Variants in RFX3 observed in about 807,000 individuals in gnomAD.
RFX3 encodes transcription factor RFX3.
Under a neutral mutation model 98.6 loss-of-function variants are expected in RFX3, and 14 were observed. The observed-to-expected ratio is 0.14, with a 90% confidence interval of 0.09 to 0.22. The LOEUF is 0.22. Among genes scored for constraint, RFX3 ranks in the 10% least tolerant of loss-of-function variants. RFX3 has a pLI of 1.00. For synonymous variants in RFX3, 383 were observed against 328.4 expected (o/e 1.17, Z -1.80); for missense variants, 639 against 926.9 (o/e 0.69, Z 4.03).
chr9:3,477,399 A>C (rs186688296), intron 1 of RFX3, among the ~76,000 whole-genome samples: 3 of 152,250 alleles, frequency 2.0e-5, no homozygotes, highest in African/African-American at 7.2e-5. Context: ...TTCAGTTTTT[A>C]TCTATTTGGA....
At chr9:3,246,003 T>G (rs1032158636) in intron 15 of RFX3, among the ~76,000 whole-genome samples, 9 of 152,174 alleles carry the variant, frequency 5.9e-5, no homozygotes, top group African/African-American at 2.2e-4. Flanking sequence ...ATCAAGAAAT[T>G]TTAGATATGA....
At chr9:3,506,553 C>T (rs967784367) in intron 1 of RFX3, among the ~76,000 whole-genome samples, 1 of 151,836 alleles carries the variant, frequency 6.6e-6, no homozygotes, top group African/African-American at 2.4e-5. Flanking sequence ...CCTGTCACAA[C>T]TAGAAAATAG....
intron 1 of RFX3, among the ~76,000 whole-genome samples, chr9:3,396,725 T>C (rs1054250813): frequency 1.8e-4 from 28 of 152,184 alleles, no homozygotes; most frequent in African/African-American, 3.6e-4. Flanking sequence ...TTTTTAATGA[T>C]TGCCATTCTA....
At chr9:3,453,810 A>T (rs1187404977) in intron 1 of RFX3, 3 of 152,164 alleles carry the variant, frequency 2.0e-5, no homozygotes, top group African/African-American at 7.2e-5. Flanking sequence ...AGAGTGCTAC[A>T]GTTGAAATTG....
intron 2 of RFX3, among the ~76,000 whole-genome samples, chr9:3,386,089 T>C (rs1277273414): frequency 6.6e-6 from 1 of 152,136 alleles, no homozygotes; most frequent in Admixed American, 6.6e-5. Context: ...CCTCCCTGAC[T>C]CATAATCCAG....
At chr9:3,238,305 C>T (rs921735392) in intron 15 of RFX3, among the ~76,000 whole-genome samples, 1 of 152,258 alleles carries the variant, frequency 6.6e-6, no homozygotes, top group South Asian at 2.1e-4. Flanking sequence ...ACACTGTAAA[C>T]TCAAACTAGG....
chr9:3,503,396 GTTATA>G (rs1252320055), intron 1 of RFX3, among the ~76,000 whole-genome samples: 1 of 126,436 alleles, frequency 7.9e-6, no homozygotes, highest in Non-Finnish European at 1.9e-5. Context: ...ACACATTTAT[GTTATA>G]TTTATTATAT....
chr9:3,254,030 G>T (rs763138009), intron 14 of RFX3, among the ~76,000 whole-genome samples: 1 of 152,068 alleles, frequency 6.6e-6, no homozygotes, highest in Non-Finnish European at 1.5e-5. Flanking sequence ...CTGAACTGTA[G>T]GCCTTCAAGT....
At position 3,277,388 on chromosome 9, in the gene RFX3, C is replaced by A; in HGVS notation, c.925G>T (p.Val309Phe). The change falls in exon 8 of 17, where the codon GTT becomes TTT. Residue 309 changes from valine to phenylalanine, a missense_variant. This residue lies in a region of RFX3 where 86 missense variants were observed against 113.2 expected (regional missense o/e 0.76). Coordinates refer to ENST00000617270, the MANE Select transcript of RFX3 (RefSeq NM_001282116.2). ...CTTTGGGCAATTACAGTTTGCTCAA[C>A]AGATGTGCCTGTCTGTTGACCACTT... ...TGSGQQTGTS[V>F]EQTVIAQSQH... 1 of 1,612,878 alleles carries A rather than the reference C, an allele frequency of 6.2e-7. No homozygotes were observed. The highest frequency in any genetic ancestry group is 8.5e-7 in the Non-Finnish European group (1 of 1,179,120).
intron 5 of RFX3, among the ~76,000 whole-genome samples, chr9:3,297,796 G>A (rs1207539191): frequency 1.3e-5 from 2 of 151,892 alleles, no homozygotes; most frequent in Non-Finnish European, 2.9e-5. Context: ...AAAATAGACG[G>A]CTAGAGCTTT....
chr9:3,483,312 G>A (rs1236875694), intron 1 of RFX3, among the ~76,000 whole-genome samples: 1 of 151,938 alleles, frequency 6.6e-6, no homozygotes, highest in Non-Finnish European at 1.5e-5. Flanking sequence ...TGCAACATGG[G>A]GTACCCCACC....
intron 2 of RFX3, among the ~76,000 whole-genome samples, chr9:3,378,225 C>A (rs538002983): frequency 1.3e-5 from 2 of 152,082 alleles, no homozygotes; most frequent in Non-Finnish European, 2.9e-5. Context: ...ACATGACTGT[C>A]GAAGAATTGG....
At chr9:3,509,058 C>A (rs1410983091) in intron 1 of RFX3, among the ~76,000 whole-genome samples, 1 of 151,636 alleles carries the variant, frequency 6.6e-6, no homozygotes, top group South Asian at 2.1e-4. Flanking sequence ...CAGTCCCATA[C>A]TATTAAAAAG....
intron 12 of RFX3, 80 bp downstream of exon 12, chr9:3,266,128 A>C: frequency 2.7e-6 from 2 of 753,416 alleles, no homozygotes; most frequent in Non-Finnish European, 4.4e-6. Context: ...ACATAATACC[A>C]TTTGATAGGA....
chr9:3,523,423 T>C, intron 1 of RFX3, among the ~76,000 whole-genome samples: 1 of 152,164 alleles, frequency 6.6e-6, no homozygotes, highest in Non-Finnish European at 1.5e-5. Context: ...ACAGCAGCTC[T>C]AATAGCAATT....
chr9:3,462,272 C>T (rs1034691718), intron 1 of RFX3, among the ~76,000 whole-genome samples: 1 of 152,002 alleles, frequency 6.6e-6, no homozygotes, highest in Non-Finnish European at 1.5e-5. Context: ...GTTGCTTTAT[C>T]ATTAGAATAT....
chr9:3,312,494 AAATAC>A (rs1478593469), intron 4 of RFX3, among the ~76,000 whole-genome samples: 1 of 152,152 alleles, frequency 6.6e-6, no homozygotes, highest in Non-Finnish European at 1.5e-5. Flanking sequence ...AACAATATGC[AAATAC>A]ATTACTTCCA....
intron 2 of RFX3, among the ~76,000 whole-genome samples, chr9:3,369,887 T>A (rs1325233052): frequency 5.3e-5 from 8 of 152,050 alleles, no homozygotes; most frequent in Non-Finnish European, 1.0e-4. Flanking sequence ...TGGAGTGCGG[T>A]GGCGCCATCT....
intron 2 of RFX3, among the ~76,000 whole-genome samples, chr9:3,347,573 C>T (rs917815550): frequency 1.4e-4 from 21 of 152,042 alleles, no homozygotes; most frequent in African/African-American, 4.8e-4. Context: ...CCTGTAATCC[C>T]AGCACTTTGG....
Sources: allele counts gnomAD v4.1 joint callset (sites outside exome capture counted in the v4.1 genomes callset), GRCh38; gene constraint gnomAD v4.1.1; regional missense constraint gnomAD v4.1.1; transcripts MANE v1.5; gene names NCBI Gene and HGNC (gene_info 2026-07-23, HGNC 2026-07-21).